STRN: variants seen among roughly 807,000 people sequenced by gnomAD.
The protein encoded by STRN is protein phosphatase 2 regulatory subunit B'''alpha.
STRN carries 53 observed loss-of-function variants against 96.3 expected under a neutral mutation model. That is an observed-to-expected ratio of 0.55 (90% confidence interval 0.44 to 0.69). STRN has a LOEUF of 0.69. Among genes scored for constraint, STRN ranks in the 30% least tolerant of loss-of-function variants. STRN has a pLI of 0.00. For missense variants in STRN, 987 were observed against 963.9 expected (o/e 1.02, Z -0.32); for synonymous variants, 428 against 355.9 (o/e 1.20, Z -2.28).
intron 1 of STRN, among the ~76,000 whole-genome samples, chr2:36,952,390 C>A (rs1247896358): frequency 6.7e-6 from 1 of 148,812 alleles, no homozygotes; most frequent in Non-Finnish European, 1.5e-5. Context: ...AGAAATTCAC[C>A]AGGCAAACAA....
At chr2:36,910,870 C>A (rs889481274) in intron 3 of STRN, among the ~76,000 whole-genome samples, 1 of 151,976 alleles carries the variant, frequency 6.6e-6, no homozygotes, top group Non-Finnish European at 1.5e-5. Context: ...AAAATAAATA[C>A]ATTTTAACAT....
intron 1 of STRN, among the ~76,000 whole-genome samples, chr2:36,952,980 T>C (rs1314662215): frequency 6.6e-6 from 1 of 152,230 alleles, no homozygotes; most frequent in Non-Finnish European, 1.5e-5. Context: ...TGGGCTGTAA[T>C]TTTCCATCAG....
At chr2:36,874,728 A>C (rs78325039) in intron 10 of STRN, among the ~76,000 whole-genome samples, 27,501 of 147,662 alleles carry the variant, frequency 0.19, 3,030 homozygotes, top group Non-Finnish European at 0.26. Context: ...AAAAAAAAAA[A>C]AAAAAAAAAA....
chr2:36,850,969 TAATAAAAATCAA>T lies in STRN; in HGVS notation c.2086+19_2086+30del, dbSNP rs1572620417. The T allele has an allele frequency of 2.6e-6, 4 of 1,525,802 alleles. No individual in the cohort carries two copies. Among genetic ancestry groups the T allele is most frequent in the South Asian group, 1.2e-5 (1 of 81,950 alleles). 94.5% of individuals were successfully genotyped at this position (1,525,802 alleles called of 1,614,324 possible). On this transcript the variant is annotated intron_variant, in intron 16 of 17. Coordinates refer to ENST00000263918, the MANE Select transcript of STRN (RefSeq NM_003162.4). The stretch of plus-strand genomic sequence containing the variant: ...TGGTAGGGATTTTTTTTTTTTGCTT[TAATAAAAATCAA>T]TTCTTAATAAATTCTTACCTGTATT...
chr2:36,911,299 T>C (rs1022880005), intron 3 of STRN, among the ~76,000 whole-genome samples: 1 of 152,216 alleles, frequency 6.6e-6, no homozygotes, highest in Non-Finnish European at 1.5e-5. Flanking sequence ...CTATGATAGA[T>C]GCAAACTGAT....
At chr2:36,859,430 G>C (rs1248135673) in intron 13 of STRN, among the ~76,000 whole-genome samples, 3 of 152,128 alleles carry the variant, frequency 2.0e-5, no homozygotes, top group Non-Finnish European at 4.4e-5. Flanking sequence ...GACAGAACAG[G>C]GAATCTGAAG....
At chr2:36,897,514 C>T (rs1669574804) in intron 6 of STRN, among the ~76,000 whole-genome samples, 1 of 151,712 alleles carries the variant, frequency 6.6e-6, no homozygotes, top group South Asian at 2.1e-4. Context: ...CAGCTCACTG[C>T]AAGCTCTGCC....
intron 1 of STRN, among the ~76,000 whole-genome samples, chr2:36,928,702 T>C (rs1436170906): frequency 6.9e-6 from 1 of 144,034 alleles, no homozygotes; most frequent in Non-Finnish European, 1.5e-5. Flanking sequence ...CCCAGCACTT[T>C]GGGAGGCCGA....
At chr2:36,876,800 T>C (rs1668924718) in intron 10 of STRN, among the ~76,000 whole-genome samples, 1 of 151,278 alleles carries the variant, frequency 6.6e-6, no homozygotes, top group Non-Finnish European at 1.5e-5. Context: ...CAGGCTGGAG[T>C]ACAGTGGCGA....
chr2:36,930,185 A>G (rs1003368239), intron 1 of STRN, among the ~76,000 whole-genome samples: 4 of 152,140 alleles, frequency 2.6e-5, no homozygotes, highest in Non-Finnish European at 4.4e-5. Context: ...TAATCCCAGC[A>G]CTTTGGGAGA....
intron 3 of STRN, among the ~76,000 whole-genome samples, chr2:36,909,877 TAAAG>T (rs143271424): frequency 0.066 from 10,034 of 152,088 alleles, 459 homozygotes; most frequent in Non-Finnish European, 0.098. Flanking sequence ...ATGAGCAAAA[TAAAG>T]ACTTTTTCAG....
At chr2:36,889,012 C>G (rs954776210) in intron 7 of STRN, among the ~76,000 whole-genome samples, 8 of 152,080 alleles carry the variant, frequency 5.3e-5, no homozygotes, top group African/African-American at 1.9e-4. Context: ...TGTAACCTGC[C>G]TTCTCTACCC....
chr2:36,889,042 T>C (rs907671203), intron 7 of STRN, among the ~76,000 whole-genome samples: 3 of 152,128 alleles, frequency 2.0e-5, no homozygotes, highest in African/African-American at 7.2e-5. Context: ...CCCAGCTCTC[T>C]CTATCTCCCT....
In STRN at chr2:36,842,714, TTA is replaced by T. The variant is rs71868763; in HGVS notation, c.*6740_*6741del. ...GAGTGATACTTAGAAGCGAGTCATTTTATGTTTGGTGGGTTTTGAATCATTTG... is the reference window on the plus strand; with the variant it reads ...GAGTGATACTTAGAAGCGAGTCATTTTGTTTGGTGGGTTTTGAATCATTTG... On this transcript the variant is annotated 3_prime_UTR_variant, in exon 18 of 18. Coordinates refer to ENST00000263918, the MANE Select transcript of STRN (RefSeq NM_003162.4). Among the ~76,000 whole-genome samples, 4,570 of 152,232 alleles carry T rather than the reference TTA, an allele frequency of 0.03. 114 individuals are homozygous for T. The highest frequency in any genetic ancestry group is 0.072 in the African/African-American group (3,000 of 41,526).
At chr2:36,861,365 T>C in intron 12 of STRN, 112 bp from the exon 13 acceptor site, 2 of 1,376,290 alleles carry the variant, frequency 1.5e-6, no homozygotes, top group African/African-American at 1.5e-5. Flanking sequence ...TTCTGCTTTT[T>C]ATAAAAAATG....
chr2:36,903,097 G>T (rs767800717), intron 4 of STRN, among the ~76,000 whole-genome samples: 1 of 152,060 alleles, frequency 6.6e-6, no homozygotes, highest in East Asian at 1.9e-4. Flanking sequence ...TAGTTATTCC[G>T]GTAGTTTTTT....
rs776884672 is a variant in STRN at position 36,894,003 on chromosome 2, C to T, written c.826G>A (p.Gly276Ser). ...IVRKKALPDS[G>S]EDRDTKEALK... is the part of the protein sequence containing the mutation. The stretch of plus-strand genomic sequence containing the variant: ...GCTTCTTTTGTATCTCGATCTTCAC[C>T]GCTGTCAGGCAATGCTTTTTTCCTA... Residue 276 changes from glycine (G) to serine (S), a missense_variant, in exon 7 of 18, where the codon GGT (glycine) becomes AGT (serine). Physicochemically the swap from Gly to Ser is moderately conservative, Grantham distance 56 (BLOSUM62 0). Transcript: ENST00000263918. 10 of 1,613,078 alleles carry T rather than the reference C, an allele frequency of 6.2e-6. 1 individual carries two copies. In the Middle Eastern group the frequency reaches 6.6e-4, roughly 107 times the overall value.
chr2:36,943,777 A>C (rs866384189), intron 1 of STRN, among the ~76,000 whole-genome samples: 39 of 150,484 alleles, frequency 2.6e-4, no homozygotes, highest in Middle Eastern at 6.9e-3. Flanking sequence ...GCACTCCAGC[A>C]TGGACGACAG....
intron 1 of STRN, among the ~76,000 whole-genome samples, chr2:36,955,417 T>C (rs1247088268): frequency 6.6e-6 from 1 of 152,226 alleles, no homozygotes; most frequent in Non-Finnish European, 1.5e-5. Context: ...TATGTGCATA[T>C]GCATGCGTGT....
Sources: allele counts gnomAD v4.1 joint callset (sites outside exome capture counted in the v4.1 genomes callset), GRCh38; gene constraint gnomAD v4.1.1; transcripts MANE v1.5; gene names NCBI Gene and HGNC (gene_info 2026-07-23, HGNC 2026-07-21).